Variants in TNFRSF8 observed in about 807,000 individuals in gnomAD.
TNFRSF8 encodes the protein tumor necrosis factor receptor superfamily member 8.
In TNFRSF8, 26 loss-of-function variants were observed where a neutral mutation model predicts 70.8. That is an observed-to-expected ratio of 0.37 (90% confidence interval 0.27 to 0.51). The LOEUF (loss-of-function observed/expected upper bound fraction) is 0.51, where lower values mean the gene tolerates loss of function less well. TNFRSF8 is among the 20% of genes least tolerant of loss of function. The pLI is 0.94. For missense variants in TNFRSF8, 720 were observed against 807.9 expected (o/e 0.89, Z 1.32); for synonymous variants, 356 against 339.2 (o/e 1.05, Z -0.54).
chr1:12,100,349 G>A (rs1488334788), intron 3 of TNFRSF8, among the ~76,000 whole-genome samples: 2 of 151,980 alleles, frequency 1.3e-5, no homozygotes, highest in African/African-American at 4.8e-5. Flanking sequence ...TGTACACTTA[G>A]GCTATACTAA....
rs542803007 is a variant in TNFRSF8 at position 12,102,557 on chromosome 1, G to A, written c.269-1822G>A. ...TTTGTTTTGTTTGAGACGGAGTCTC[G>A]CTCTTTTGCCCAGGCTGGAGTGAAG... On this transcript the variant is annotated intron_variant, in intron 3 of 14. Transcript: ENST00000263932. 5.3e-4 allele frequency among the ~76,000 whole-genome samples: 80 copies of A among 152,204 alleles called. 3 individuals carry two copies. The South Asian group carries it at 0.01, about 19-fold the overall frequency.
intron 2 of TNFRSF8, among the ~76,000 whole-genome samples, chr1:12,086,793 C>G (rs988714889): frequency 1.3e-5 from 2 of 151,892 alleles, no homozygotes; most frequent in Non-Finnish European, 2.9e-5. Flanking sequence ...CTCTCTCTCT[C>G]TTTCTCTCTC....
At chr1:12,084,162 A>T (rs1201114) in intron 1 of TNFRSF8, among the ~76,000 whole-genome samples, 1 of 151,968 alleles carries the variant, frequency 6.6e-6, no homozygotes, top group African/African-American at 2.4e-5. Flanking sequence ...ATCCCAGGGC[A>T]AGGGGATGGT....
intron 1 of TNFRSF8, among the ~76,000 whole-genome samples, chr1:12,084,090 G>A (rs1377818304): frequency 1.3e-5 from 2 of 152,152 alleles, no homozygotes; most frequent in African/African-American, 4.8e-5. Context: ...CAACAAATAC[G>A]TTTACCAGAA....
chr1:12,115,014 C>A (rs918357416), intron 7 of TNFRSF8, among the ~76,000 whole-genome samples: 20 of 152,048 alleles, frequency 1.3e-4, no homozygotes, highest in African/African-American at 4.8e-4. Context: ...GCCAAAAAAT[C>A]TTTTTATTAT....
rs1019254690 is a variant in TNFRSF8 at position 12,119,546 on chromosome 1, G to A, written c.947-3738G>A. ...AGGGCTATTATGAATGAAAACAGCT[G>A]TGAATATTCTTTTTTTTTTTTTAAC... is the stretch of plus-strand genomic sequence containing the variant. On this transcript the variant is annotated intron_variant, in intron 8 of 14. Coordinates refer to ENST00000263932, the MANE Select transcript of TNFRSF8 (RefSeq NM_001243.5). The surrounding 1 kb of genome is among the most constrained non-coding windows in gnomAD (Gnocchi z 4.4). Among the ~76,000 whole-genome samples the A allele has an allele frequency of 6.8e-5, 9 of 131,696 alleles. No individual in the cohort carries two copies. The highest frequency in any genetic ancestry group is 2.4e-4 in the African/African-American group (8 of 32,732). 86.4% of individuals were successfully genotyped at this position (131,696 alleles called of 152,430 possible).
At chr1:12,123,959 G>A in intron 10 of TNFRSF8, 132 bp downstream of exon 10, 1 of 729,518 alleles carries the variant, frequency 1.4e-6, no homozygotes, top group Non-Finnish European at 2.2e-6. Context: ...GTTGACCCCA[G>A]GTTTCTGGCT....
rs1553156303 is a variant in TNFRSF8 at position 12,108,074 on chromosome 1, A to ACTTT, written c.422-1492_422-1491insCTTT. Among the ~76,000 whole-genome samples, 18 of 146,120 alleles carry ACTTT rather than the reference A, an allele frequency of 1.2e-4. No individual in the cohort carries two copies. The highest frequency in any genetic ancestry group is 4.5e-4 in the African/African-American group (18 of 39,670). ...CGAAGTCCCACACATACAGGCCACCATTTTTTTATTTTTTTTTTTTTTGTG... is the reference window on the plus strand; with the variant it reads ...CGAAGTCCCACACATACAGGCCACCACTTTTTTTTTTATTTTTTTTTTTTTTGTG... On this transcript the variant is annotated intron_variant, in intron 4 of 14. Transcript: ENST00000263932. The surrounding 1 kb of genome is among the most constrained non-coding windows in gnomAD (Gnocchi z 4.0).
intron 11 of TNFRSF8, 21 bp downstream of exon 11, chr1:12,126,073 G>A (rs770191916): frequency 1.2e-6 from 2 of 1,612,974 alleles, no homozygotes; most frequent in Admixed American, 1.7e-5. Context: ...GTGTCCTTGG[G>A]GCCTTGGGGA....
At chr1:12,082,336 A>G (rs1641078761) in intron 1 of TNFRSF8, among the ~76,000 whole-genome samples, 1 of 152,204 alleles carries the variant, frequency 6.6e-6, no homozygotes, top group African/African-American at 2.4e-5. Flanking sequence ...ACTTGACCTC[A>G]GGAGTTTGAG....
intron 1 of TNFRSF8, among the ~76,000 whole-genome samples, chr1:12,071,276 TAAAAATACA>T (rs1204037253): frequency 6.6e-6 from 1 of 152,052 alleles, no homozygotes; most frequent in African/African-American, 2.4e-5. Context: ...CTGTCTCTGC[TAAAAATACA>T]AAAATTAGCC....
In TNFRSF8 at chr1:12,142,115, A is replaced by G. The variant is rs1570095215; in HGVS notation, c.1544-172A>G. On this transcript the variant is annotated intron_variant, in intron 14 of 14. Transcript: ENST00000263932. The surrounding 1 kb of genome is among the most constrained non-coding windows in gnomAD (Gnocchi z 5.0). The stretch of plus-strand genomic sequence containing the variant: ...TCAAGGCCCAGCTCCTAGCTGTTCT[A>G]TTTCCTCTGAGCCCCCAGGATGCCT... Among the ~76,000 whole-genome samples the G allele has an allele frequency of 1.3e-5, 2 of 152,104 alleles. No homozygotes were observed.
At position 12,119,624 on chromosome 1, in the gene TNFRSF8, CAG is replaced by C. The variant is rs1454662838; in HGVS notation, c.947-3659_947-3658del. On this transcript the variant is annotated intron_variant, in intron 8 of 14. Transcript: ENST00000263932. The surrounding 1 kb of genome is among the most constrained non-coding windows in gnomAD (Gnocchi z 4.4). ...TTATTATTTTTATTATTTTTAGAGA[CAG>C]GGTCTCACTCTGTGTTCCAGGCTGG... Among the ~76,000 whole-genome samples, 5 of 149,754 alleles carry C rather than the reference CAG, an allele frequency of 3.3e-5. No individual in the cohort carries two copies. The highest frequency in any genetic ancestry group is 2.0e-4 in the East Asian group (1 of 5,104).
intron 12 of TNFRSF8, among the ~76,000 whole-genome samples, chr1:12,130,050 G>T (rs746136163): frequency 6.6e-6 from 1 of 152,042 alleles, no homozygotes; most frequent in Non-Finnish European, 1.5e-5. Context: ...GATTACAGGC[G>T]TGTGCCACAC....
At chr1:12,090,404 TCCATCTAC>T (rs1027974120) in intron 2 of TNFRSF8, among the ~76,000 whole-genome samples, 9 of 147,086 alleles carry the variant, frequency 6.1e-5, no homozygotes, top group Non-Finnish European at 1.2e-4. Flanking sequence ...CACCCATCCA[TCCATCTAC>T]CCATCTACCC....
intron 8 of TNFRSF8, among the ~76,000 whole-genome samples, chr1:12,120,489 G>C (rs1312793133): frequency 6.6e-6 from 1 of 152,194 alleles, no homozygotes; most frequent in Non-Finnish European, 1.5e-5. Context: ...AAAAGAAAAA[G>C]ATGACAAGAA....
chr1:12,084,084 A>G (rs1240466064), intron 1 of TNFRSF8, among the ~76,000 whole-genome samples: 1 of 152,180 alleles, frequency 6.6e-6, no homozygotes, highest in African/African-American at 2.4e-5. Context: ...AGACTTCAAC[A>G]AATACGTTTA....
At chr1:12,089,826 T>G (rs1253710213) in intron 2 of TNFRSF8, among the ~76,000 whole-genome samples, 3 of 151,770 alleles carry the variant, frequency 2.0e-5, no homozygotes, top group African/African-American at 7.3e-5. Flanking sequence ...TCCGTTCATC[T>G]ACACATCCAT....
intron 1 of TNFRSF8, among the ~76,000 whole-genome samples, chr1:12,077,341 C>A (rs976731559): frequency 6.6e-6 from 1 of 152,126 alleles, no homozygotes; most frequent in Non-Finnish European, 1.5e-5. Context: ...AAGCAGAGAA[C>A]CCTTCCTGGC....
Sources: allele counts gnomAD v4.1 joint callset (sites outside exome capture counted in the v4.1 genomes callset), GRCh38; gene constraint gnomAD v4.1.1; non-coding constraint Gnocchi (gnomAD v3.1); transcripts MANE v1.5; gene names NCBI Gene and HGNC (gene_info 2026-07-23, HGNC 2026-07-21).